The following SOX6 variants were observed in gnomAD, a reference collection of about 807,000 sequenced individuals.
The protein encoded by SOX6 is transcription factor SOX-6.
Under a neutral mutation model 97.8 loss-of-function variants are expected in SOX6, and 11 were observed. The observed-to-expected ratio is 0.11, with a 90% CI of 0.07 to 0.19. The LOEUF (loss-of-function observed/expected upper bound fraction) is 0.19. Among genes scored for constraint, SOX6 ranks in the 10% least tolerant of loss-of-function variants. The pLI is 1.00. For synonymous variants in SOX6, 360 were observed against 371.4 expected (o/e 0.97, Z 0.35); for missense variants, 810 against 1,039.5 (o/e 0.78, Z 3.04).
At chr11:16,443,009 A>T (rs1859535087) in intron 1 of SOX6, among the ~76,000 whole-genome samples, 1 of 152,120 alleles carries the variant, frequency 6.6e-6, no homozygotes, top group South Asian at 2.1e-4. Flanking sequence ...CCCCACATGC[A>T]GCAATCATAC....
chr11:16,348,118 T>C (rs1856818768), intron 1 of SOX6, among the ~76,000 whole-genome samples: 1 of 152,098 alleles, frequency 6.6e-6, no homozygotes, highest in Admixed American at 6.6e-5. Flanking sequence ...GCAGTTCATT[T>C]TCAGTTTGTC....
chr11:16,168,694 C>T (rs910328937), intron 6 of SOX6, among the ~76,000 whole-genome samples: 1 of 152,126 alleles, frequency 6.6e-6, no homozygotes, highest in African/African-American at 2.4e-5. Context: ...GATACCACCC[C>T]ATATCCTTCA....
At chr11:16,294,271 A>T (rs1451845981) in intron 3 of SOX6, among the ~76,000 whole-genome samples, 1 of 152,068 alleles carries the variant, frequency 6.6e-6, no homozygotes, top group Non-Finnish European at 1.5e-5. Flanking sequence ...AATAAACAGT[A>T]AATGTTTATT....
intron 3 of SOX6, among the ~76,000 whole-genome samples, chr11:16,273,768 C>A (rs772890335): frequency 4.6e-5 from 7 of 151,988 alleles, no homozygotes; most frequent in Non-Finnish European, 7.4e-5. Flanking sequence ...GAATACTACA[C>A]TCCTAAGCCC....
At chr11:16,176,562 A>G (rs1417979764) in intron 6 of SOX6, among the ~76,000 whole-genome samples, 1 of 151,940 alleles carries the variant, frequency 6.6e-6, no homozygotes, top group Non-Finnish European at 1.5e-5. Flanking sequence ...CCAGCCATAT[A>G]CACACCTCCC....
chr11:16,634,986 C>T (rs1848763149), intron 3 of SOX6, among the ~76,000 whole-genome samples: 1 of 152,198 alleles, frequency 6.6e-6, no homozygotes, highest in African/African-American at 2.4e-5. Context: ...TTTGCTTCCC[C>T]TTCTGACATG....
At chr11:16,623,588 T>C (rs138891528) in intron 3 of SOX6, among the ~76,000 whole-genome samples, 2,253 of 152,236 alleles carry the variant, frequency 0.015, 54 homozygotes, top group African/African-American at 0.049. Flanking sequence ...TATTTATCTT[T>C]GTTTTTGTCG....
chr11:16,052,072 G>A (rs1192490329), intron 10 of SOX6, among the ~76,000 whole-genome samples: 6 of 151,692 alleles, frequency 4.0e-5, no homozygotes, highest in South Asian at 4.2e-4. Flanking sequence ...TCATGCTCAC[G>A]TTTTCCTCTA....
chr11:16,263,264 C>T (rs983856870), intron 3 of SOX6, among the ~76,000 whole-genome samples: 1 of 151,804 alleles, frequency 6.6e-6, no homozygotes, highest in Non-Finnish European at 1.5e-5. Flanking sequence ...TTATAGTTTC[C>T]CAAAGAACCC....
At chr11:16,492,584 A>G (rs1473587336) in intron 4 of SOX6, among the ~76,000 whole-genome samples, 1 of 152,176 alleles carries the variant, frequency 6.6e-6, no homozygotes, top group Non-Finnish European at 1.5e-5. Flanking sequence ...CATTGCCTAT[A>G]GTGTGACCTT....
At chr11:16,333,833 CA>C (rs1370431721) in intron 2 of SOX6, among the ~76,000 whole-genome samples, 1 of 152,094 alleles carries the variant, frequency 6.6e-6, no homozygotes, top group African/African-American at 2.4e-5. Context: ...GAAGTATTTG[CA>C]TAGGGATAGT....
At chr11:16,184,686 A>G (rs927534591) in intron 5 of SOX6, among the ~76,000 whole-genome samples, 5 of 152,184 alleles carry the variant, frequency 3.3e-5, no homozygotes, top group Non-Finnish European at 7.4e-5. Context: ...TTAACCATTT[A>G]ATGCAAGCCC....
At chr11:15,990,322 T>C (rs1854009164) in intron 13 of SOX6, among the ~76,000 whole-genome samples, 1 of 152,040 alleles carries the variant, frequency 6.6e-6, no homozygotes, top group African/African-American at 2.4e-5. Context: ...CTAAGAGGCA[T>C]TTATTTCAAG....
At chr11:16,735,284 C>A (rs528480154) in intron 2 of SOX6, among the ~76,000 whole-genome samples, 78 of 152,280 alleles carry the variant, frequency 5.1e-4, no homozygotes, top group Admixed American at 4.1e-3. Context: ...TTAGGCTTAT[C>A]AGGTTTCAGC....
chr11:16,507,101 TG>T (rs1860801239), intron 4 of SOX6, among the ~76,000 whole-genome samples: 9 of 151,892 alleles, frequency 5.9e-5, no homozygotes, highest in Admixed American at 5.9e-4. Flanking sequence ...AAAATAAAAG[TG>T]TGTAGCACCT....
chr11:16,664,646 C>G (rs752117803), intron 3 of SOX6, among the ~76,000 whole-genome samples: 1 of 152,076 alleles, frequency 6.6e-6, no homozygotes, highest in African/African-American at 2.4e-5. Context: ...CTGGGCATGT[C>G]CTGGTGCTGT....
At chr11:16,286,563 A>C (rs1854750082) in intron 3 of SOX6, among the ~76,000 whole-genome samples, 2 of 152,138 alleles carry the variant, frequency 1.3e-5, no homozygotes, top group African/African-American at 4.8e-5. Flanking sequence ...TATGATGATC[A>C]CTGTGTTCAG....
intron 4 of SOX6, among the ~76,000 whole-genome samples, chr11:16,548,184 T>C (rs1325367532): frequency 1.3e-5 from 2 of 152,154 alleles, no homozygotes; most frequent in Non-Finnish European, 2.9e-5. Flanking sequence ...AAAAATATCT[T>C]TCTAATGTGA....
rs1189407295 is a variant in SOX6 at position 15,971,258 on chromosome 11, CT to C, written c.*1550del. On this transcript the variant is annotated 3_prime_UTR_variant, in exon 16 of 16. Transcript: ENST00000683767. ...ATGTATCATGACTATTTGCCACCAT[CT>C]TTGCTCTGAGGCTGTCATGTGGCTT... The C allele has an allele frequency of 2.6e-5, 4 of 152,704 alleles. No individual in the cohort carries two copies. The highest frequency in any genetic ancestry group is 4.4e-5 in the Non-Finnish European group (3 of 68,084). The allele number at this position is 152,704 out of a possible 1,614,324, so 9.5% of individuals were successfully genotyped here. A position where few individuals can be genotyped will look rare whatever the true frequency, so the allele number is the denominator to read the frequency against.
Sources: gnomAD v4.1 joint callset for allele counts (sites outside exome capture counted in the v4.1 genomes callset) on GRCh38, gnomAD v4.1.1 for gene constraint, MANE v1.5 for transcripts, NCBI Gene and HGNC (gene_info 2026-07-23, HGNC 2026-07-21) for gene names.